The following MICAL2 variants were observed in gnomAD, a reference collection of about 807,000 sequenced individuals.
The protein encoded by MICAL2 is microtubule associated monooxygenase, calponin and LIM domain containing 2.
MICAL2 carries 77 observed loss-of-function variants against 127.3 expected under a neutral mutation model. That is an observed-to-expected ratio of 0.60 (90% confidence interval 0.50 to 0.73). The LOEUF (loss-of-function observed/expected upper bound fraction) is 0.73, where lower values mean the gene tolerates loss of function less well. MICAL2 is among the 30% of genes least tolerant of loss of function. MICAL2 has a pLI of 0.00. For synonymous variants in MICAL2, 570 were observed against 551.1 expected, an observed-to-expected ratio of 1.03 and a Z score of -0.48; for missense variants, 1,351 against 1,434.4, an observed-to-expected ratio of 0.94 and a Z score of 0.94.
chr11:12,143,479 A>G (rs1269347867), intron 2 of MICAL2, among the ~76,000 whole-genome samples: 1 of 152,176 alleles, frequency 6.6e-6, no homozygotes, highest in Non-Finnish European at 1.5e-5. Context: ...TGCCTGATGG[A>G]TGTTTCCATA....
At chr11:12,272,286 G>T (rs1341686775), upstream of MICAL2, among the ~76,000 whole-genome samples, 1 of 152,196 alleles carries the variant, frequency 6.6e-6, no homozygotes, top group Admixed American at 6.5e-5. Flanking sequence ...CCCAAGCCCA[G>T]TCATAGCAGT....
At chr11:12,319,593 G>A in intron 29 of MICAL2, 2 of 813,350 alleles carry the variant, frequency 2.5e-6, no homozygotes, top group Non-Finnish European at 4.1e-6. Context: ...AGGGCAGGGA[G>A]GAAGGGAATG....
rs73418129 is a variant in MICAL2, at chr11:12,228,304, T to A, written c.1995+1173T>A. Among the ~76,000 whole-genome samples the A allele has an allele frequency of 1.3e-4, 20 of 152,216 alleles. No homozygotes were observed. In the East Asian group the frequency reaches 3.9e-3, roughly 29 times the overall value. On this transcript the variant is annotated intron_variant, in intron 15 of 27. Coordinates refer to ENST00000683283, the MANE Select transcript of MICAL2 (RefSeq NM_001282663.2). ...GAGATTGCACCATTGCACTCCAGCC[T>A]GGATAAGAAGAGTGAAATTCCACTT...
intron 4 of MICAL2, among the ~76,000 whole-genome samples, chr11:12,206,221 T>C (rs1275152580): frequency 6.6e-6 from 1 of 152,200 alleles, no homozygotes; most frequent in East Asian, 1.9e-4. Context: ...GGGGCAGAAC[T>C]GGGTACCAGG....
At chr11:12,293,705 G>T, downstream of MICAL2, 1 of 1,614,090 alleles carries the variant, frequency 6.2e-7, no homozygotes, top group Non-Finnish European at 8.5e-7. Context: ...AGAGTGGGCA[G>T]AGTACTGCCT....
At chr11:12,284,702 C>T (rs1360525397) in intron 2 of MICAL2, among the ~76,000 whole-genome samples, 1 of 152,122 alleles carries the variant, frequency 6.6e-6, no homozygotes, top group African/African-American at 2.4e-5. Context: ...CCTGCTTGCT[C>T]CTTATGGAAA....
rs535509944 is a variant in MICAL2, at chr11:12,186,544, A to G, written c.265-17706A>G. 1.1e-4 allele frequency among the ~76,000 whole-genome samples: 16 copies of G among 152,318 alleles called. No homozygotes were observed. In the South Asian group the frequency reaches 3.3e-3, roughly 32 times the overall value. ...AGGGCGCCTAGACAATTTTTAAAAA[A>G]AGATTTTTTTTTTAAAGATGCATGG... On this transcript the variant is annotated intron_variant, in intron 3 of 27. Coordinates refer to ENST00000683283, the MANE Select transcript of MICAL2 (RefSeq NM_001282663.2).
chr11:12,332,648 A>T (rs992755225), intron 32 of MICAL2, among the ~76,000 whole-genome samples: 2 of 151,886 alleles, frequency 1.3e-5, no homozygotes, highest in Non-Finnish European at 2.9e-5. Flanking sequence ...CCCTGTTCCC[A>T]AGTCCCATGG....
chr11:12,349,553 G>T (rs1201723743), intron 32 of MICAL2, among the ~76,000 whole-genome samples: 1 of 152,152 alleles, frequency 6.6e-6, no homozygotes, highest in East Asian at 1.9e-4. Context: ...TAGGCAGGGG[G>T]AGGGTCGTTT....
chr11:12,241,878 C>A (rs1277352817), intron 18 of MICAL2, among the ~76,000 whole-genome samples: 2 of 150,790 alleles, frequency 1.3e-5, no homozygotes, highest in Admixed American at 6.6e-5. Flanking sequence ...CAGTCCAGAG[C>A]AATCCAATCG....
At chr11:12,262,597 A>G (rs1175902491) in intron 27 of MICAL2, 60 bp downstream of exon 27, 35 of 1,397,518 alleles carry the variant, frequency 2.5e-5, no homozygotes, top group Middle Eastern at 3.5e-4. Flanking sequence ...CGCTTTCCGC[A>G]CCCCGTCCTC....
At chr11:12,260,418 AC>A in intron 26 of MICAL2, 1 of 1,233,496 alleles carries the variant, frequency 8.1e-7, no homozygotes, top group Non-Finnish European at 1.0e-6. Context: ...TTCTGGGTTT[AC>A]ATTTCAATTT....
chr11:12,175,987 A>G (rs1158389188), intron 3 of MICAL2, among the ~76,000 whole-genome samples: 1 of 152,156 alleles, frequency 6.6e-6, no homozygotes, highest in East Asian at 1.9e-4. Flanking sequence ...CTTTGAGTGG[A>G]AAGTGACATG....
intron 30 of MICAL2, among the ~76,000 whole-genome samples, chr11:12,321,295 C>T (rs911087717): frequency 6.6e-6 from 1 of 152,156 alleles, no homozygotes; most frequent in African/African-American, 2.4e-5. Context: ...AGGGCTCACA[C>T]TGAAGGAAAG....
intron 23 of MICAL2, 86 bp from the exon 24 acceptor site, chr11:12,256,699 A>G: frequency 7.9e-7 from 1 of 1,273,712 alleles, no homozygotes; most frequent in Non-Finnish European, 1.1e-6. Context: ...CCCAGCATTC[A>G]GTGTGGAATT....
At chr11:12,292,004 C>G, downstream of MICAL2, 1 of 1,050,780 alleles carries the variant, frequency 9.5e-7, no homozygotes, top group Non-Finnish European at 1.4e-6. Context: ...ACGCCTTGGG[C>G]ACCAGGAACC....
chr11:12,221,524 C>T, intron 9 of MICAL2, 120 bp from the exon 10 acceptor site: 1 of 631,820 alleles, frequency 1.6e-6, no homozygotes, highest in Non-Finnish European at 2.8e-6. Context: ...CCTGCCCTGT[C>T]ACCTCTCTGT....
At chr11:12,116,107 G>T (rs1849998817) in intron 1 of MICAL2, among the ~76,000 whole-genome samples, 1 of 150,564 alleles carries the variant, frequency 6.6e-6, no homozygotes, top group South Asian at 2.1e-4. Flanking sequence ...CTCCTGAGTA[G>T]CTGGGACTAC....
chr11:12,254,258 A>G (rs865816933), intron 22 of MICAL2: 2 of 152,268 alleles, frequency 1.3e-5, no homozygotes, highest in Non-Finnish European at 2.9e-5. Context: ...AATAGGACAC[A>G]CATTCTCTCG....
Sources: gnomAD v4.1 joint callset for allele counts (sites outside exome capture counted in the v4.1 genomes callset) on GRCh38, gnomAD v4.1.1 for gene constraint, MANE v1.5 for transcripts, NCBI Gene and HGNC (gene_info 2026-07-23, HGNC 2026-07-21) for gene names.